Variants in SIDT1 observed in about 807,000 individuals in gnomAD.
The protein encoded by SIDT1 is SID1 transmembrane family member 1, also known as SID1 transmembrane family, member 1.
SIDT1 carries 101 observed loss-of-function variants against 107.5 expected under a neutral mutation model. The ratio of observed to expected loss-of-function variants is 0.94; its 90% CI spans 0.80 to 1.11. The LOEUF (loss-of-function observed/expected upper bound fraction) is 1.11, where lower values mean the gene tolerates loss of function less well. Among genes scored for constraint, SIDT1 ranks in the 50% least tolerant of loss-of-function variants. SIDT1 has a pLI of 0.00. For missense variants in SIDT1, 1,076 were observed against 1,058.2 expected (o/e 1.02, Z -0.23); for synonymous variants, 395 against 398.2 (o/e 0.99, Z 0.10).
chr3:113,536,154 A>C (rs901633204), intron 1 of SIDT1, among the ~76,000 whole-genome samples: 1 of 152,140 alleles, frequency 6.6e-6, no homozygotes, highest in Non-Finnish European at 1.5e-5. Flanking sequence ...GTTTGTCACT[A>C]TCTTCTTGGC....
chr3:113,631,231 A>G (rs1947092150), downstream of SIDT1, among the ~76,000 whole-genome samples: 1 of 152,200 alleles, frequency 6.6e-6, no homozygotes, highest in South Asian at 2.1e-4. Context: ...ACCCTATTTC[A>G]GGGAATGCCA....
intron 14 of SIDT1, 81 bp downstream of exon 14, chr3:113,605,057 G>C: frequency 6.8e-7 from 1 of 1,469,052 alleles, no homozygotes; most frequent in Non-Finnish European, 9.4e-7. Context: ...GACAGAGAGA[G>C]GTACAACTTA....
At chr3:113,571,467 T>C (rs78139366) in intron 3 of SIDT1, among the ~76,000 whole-genome samples, 37,867 of 145,954 alleles carry the variant, frequency 0.26, 5,185 homozygotes, top group East Asian at 0.59. Context: ...CATTGCTTGG[T>C]GCCATCTACC....
At chr3:113,636,462 T>TA in the SIDT1 span, among the ~76,000 whole-genome samples, 3 of 151,770 alleles carry the variant, frequency 2.0e-5, no homozygotes, top group South Asian at 2.1e-4. Flanking sequence ...TGGCAGCATT[T>TA]AAAAAAAAGG....
chr3:113,554,691 C>T (rs926358115), intron 1 of SIDT1, among the ~76,000 whole-genome samples: 10 of 152,170 alleles, frequency 6.6e-5, no homozygotes, highest in Non-Finnish European at 1.2e-4. Flanking sequence ...TGAAAATGGA[C>T]TAATACATCA....
chr3:113,540,198 T>C (rs1028119465), intron 1 of SIDT1, among the ~76,000 whole-genome samples: 2 of 151,924 alleles, frequency 1.3e-5, no homozygotes, highest in African/African-American at 4.8e-5. Flanking sequence ...CCAACTCTCA[T>C]TGGAACTAAT....
chr3:113,591,722 C>T (rs1944169605), intron 9 of SIDT1, among the ~76,000 whole-genome samples: 2 of 152,178 alleles, frequency 1.3e-5, no homozygotes, highest in Non-Finnish European at 2.9e-5. Context: ...TGTGCAGCCA[C>T]TGTGGAAAAC....
intron 3 of SIDT1, among the ~76,000 whole-genome samples, chr3:113,570,675 A>G (rs1260468825): frequency 6.6e-6 from 1 of 152,310 alleles, no homozygotes; most frequent in African/African-American, 2.4e-5. Context: ...GTAACCTGGA[A>G]CCAGAGGATG....
intron 3 of SIDT1, among the ~76,000 whole-genome samples, chr3:113,571,169 T>C (rs62265518): frequency 0.29 from 44,548 of 152,084 alleles, 7,273 homozygotes; most frequent in East Asian, 0.59. Context: ...CGCCTGTAAT[T>C]CCAGCTACTC....
At chr3:113,578,021 GAA>G (rs1943038145) in intron 4 of SIDT1, among the ~76,000 whole-genome samples, 1 of 152,194 alleles carries the variant, frequency 6.6e-6, no homozygotes, top group Admixed American at 6.5e-5. Context: ...TCCTGTCTGT[GAA>G]AGTCTCTGCA....
Position 113,583,391 on chromosome 3 carries a change from T to C in SIDT1, c.748-18T>C, listed in dbSNP as rs1943508256. On this transcript the variant is annotated intron_variant, in intron 6 of 24. Transcript: ENST00000264852. ...CTCTTTCTTACCGCCTATCATAAGG[T>C]TGTTATGTCTTATGCAGAAGAAGGA... 2.5e-6 allele frequency: 4 copies of C among 1,571,202 alleles called. No individual in the cohort carries two copies. Among genetic ancestry groups the C allele is most frequent in the Non-Finnish European group, 3.5e-6 (4 of 1,147,624 alleles).
At chr3:113,556,189 T>C (rs1260961059) in intron 1 of SIDT1, among the ~76,000 whole-genome samples, 8 of 152,230 alleles carry the variant, frequency 5.3e-5, no homozygotes, top group Non-Finnish European at 1.5e-5. Flanking sequence ...TATCTTTCTT[T>C]ATTATGCCAT....
At position 113,601,225 on chromosome 3, in the gene SIDT1, A is replaced by G. The variant is rs61456013; in HGVS notation, c.1046-363A>G. 1.0e-3 allele frequency: 177 copies of G among 169,238 alleles called. 1 individual carries two copies. The highest frequency in any genetic ancestry group is 4.1e-3 in the African/African-American group (173 of 42,334). 10.5% of individuals were successfully genotyped at this position (169,238 alleles called of 1,614,324 possible). On this transcript the variant is annotated intron_variant, in intron 10 of 24. Coordinates refer to ENST00000264852, the MANE Select transcript of SIDT1 (RefSeq NM_017699.3). ...TGCTAAAAACCTACAAAGCTGGCTTACAAAACTGAGTATTTTTATTGTCCA... is the reference window on the plus strand; with the variant it reads ...TGCTAAAAACCTACAAAGCTGGCTTGCAAAACTGAGTATTTTTATTGTCCA...
chr3:113,633,203 C>G (rs1318303418), downstream of SIDT1, among the ~76,000 whole-genome samples: 1 of 152,022 alleles, frequency 6.6e-6, no homozygotes, highest in African/African-American at 2.4e-5. Flanking sequence ...AGTTCTACCA[C>G]AAAACCAAAC....
At chr3:113,621,878 A>G (rs981390176) in intron 21 of SIDT1, among the ~76,000 whole-genome samples, 6 of 152,232 alleles carry the variant, frequency 3.9e-5, no homozygotes, top group Non-Finnish European at 8.8e-5. Flanking sequence ...GGTCCAATAC[A>G]GTAACTATTA....
chr3:113,601,888 G>T (rs1424489004), intron 11 of SIDT1: 3 of 459,926 alleles, frequency 6.5e-6, no homozygotes, highest in Non-Finnish European at 1.2e-5. Context: ...CACTTGGGCA[G>T]AATTCCTTCA....
chr3:113,585,832 C>G (rs1177789768), intron 9 of SIDT1, among the ~76,000 whole-genome samples: 1 of 152,038 alleles, frequency 6.6e-6, no homozygotes, highest in Non-Finnish European at 1.5e-5. Context: ...GTAATTTGAC[C>G]AAAGAAATTT....
intron 14 of SIDT1, among the ~76,000 whole-genome samples, chr3:113,605,753 C>T (rs577224798): frequency 6.6e-6 from 1 of 152,052 alleles, no homozygotes; most frequent in South Asian, 2.1e-4. Flanking sequence ...TCTGTAATCC[C>T]AGAACTTTGG....
chr3:113,613,502 C>G (rs544201345), intron 19 of SIDT1, among the ~76,000 whole-genome samples: 4 of 152,196 alleles, frequency 2.6e-5, no homozygotes, highest in Non-Finnish European at 5.9e-5. Context: ...AGCAATTGCT[C>G]GTTTTCAAAG....
Sources: allele counts gnomAD v4.1 joint callset (sites outside exome capture counted in the v4.1 genomes callset), GRCh38; gene constraint gnomAD v4.1.1; transcripts MANE v1.5; gene names NCBI Gene and HGNC (gene_info 2026-07-23, HGNC 2026-07-21).